The following CTNNAL1 variants were observed in gnomAD, a reference collection of about 807,000 sequenced individuals.
CTNNAL1 encodes alpha-catulin.
CTNNAL1 carries 69 observed loss-of-function variants against 93.6 expected under a neutral mutation model. The ratio of observed to expected loss-of-function variants is 0.74; its 90% CI spans 0.61 to 0.90. The LOEUF is 0.90. CTNNAL1 is among the 40% of genes least tolerant of loss of function. The pLI is 0.00. For missense variants in CTNNAL1, 836 were observed against 862.0 expected (o/e 0.97, Z 0.38); for synonymous variants, 286 against 305.4 (o/e 0.94, Z 0.66).
intron 12 of CTNNAL1, among the ~76,000 whole-genome samples, chr9:108,954,473 T>C (rs1040551011): frequency 7.9e-5 from 12 of 152,212 alleles, no homozygotes; most frequent in African/African-American, 2.4e-4. Context: ...AATTATTTTG[T>C]AGTAGCCCTA....
At chr9:108,989,047 G>A (rs1408611406) in intron 4 of CTNNAL1, among the ~76,000 whole-genome samples, 2 of 152,156 alleles carry the variant, frequency 1.3e-5, no homozygotes, top group Non-Finnish European at 2.9e-5. Flanking sequence ...GAGCTAAATT[G>A]CTAAAAATAG....
chr9:108,987,222 G>A (rs1831638649), intron 4 of CTNNAL1, among the ~76,000 whole-genome samples: 1 of 151,976 alleles, frequency 6.6e-6, no homozygotes, highest in Non-Finnish European at 1.5e-5. Flanking sequence ...GTAAGGAAGG[G>A]ATCCAGTTTC....
chr9:108,970,811 A>C (rs1376675136), intron 9 of CTNNAL1, among the ~76,000 whole-genome samples: 2 of 152,058 alleles, frequency 1.3e-5, no homozygotes, highest in Non-Finnish European at 2.9e-5. Context: ...TATATAAAGA[A>C]ATTTGGGAAA....
chr9:108,951,900 C>T lies in CTNNAL1; in HGVS notation c.1835+309G>A, dbSNP rs1030186895. Among the ~76,000 whole-genome samples, 19 of 152,072 alleles carry T rather than the reference C, an allele frequency of 1.2e-4. 1 individual carries two copies. The highest frequency in any genetic ancestry group is 1.1e-3 in the Admixed American group (17 of 15,258). On this transcript the variant is annotated intron_variant, in intron 14 of 18. Transcript: ENST00000325551. The stretch of plus-strand genomic sequence containing the variant: ...AGGCATAAAAGACATGTTTTCTTAA[C>T]GTACTGATGCTGGCTGGGAGAGGCA...
rs866167967 is a variant in CTNNAL1 at position 108,943,807 on chromosome 9, C to T, written c.1951G>A (p.Asp651Asn). The stretch of plus-strand genomic sequence containing the variant: ...TCCAGGAGAAGCATAAGCTTGTCAT[C>T]GTCTTTCAGCTGAAATGTAATTTAA... ...VQAFSKQLKD[D>N]DKLMLLLEIN... The change falls in exon 17 of 19, where the codon GAT becomes AAT. Residue 651 changes from aspartate (D) to asparagine (N), a missense_variant. Asp to Asn is a conservative substitution (Grantham distance 23, BLOSUM62 1). Coordinates refer to ENST00000325551, the MANE Select transcript of CTNNAL1 (RefSeq NM_003798.4). 3.7e-6 allele frequency: 6 copies of T among 1,613,154 alleles called. No homozygotes were observed. The highest frequency in any genetic ancestry group is 1.3e-5 in the African/African-American group (1 of 74,858).
chr9:109,003,279 G>C (rs1183114621), intron 1 of CTNNAL1, among the ~76,000 whole-genome samples: 1 of 152,196 alleles, frequency 6.6e-6, no homozygotes, highest in African/African-American at 2.4e-5. Flanking sequence ...GTGGGCTTTT[G>C]TCTAGTAGAA....
At chr9:108,961,001 G>T (rs987296597) in intron 11 of CTNNAL1, among the ~76,000 whole-genome samples, 2 of 152,212 alleles carry the variant, frequency 1.3e-5, no homozygotes, top group Admixed American at 1.3e-4. Flanking sequence ...CTAACTTTTA[G>T]CATGTGAACA....
Position 108,979,617 on chromosome 9 carries a change from A to G in CTNNAL1, c.901-136T>C, listed in dbSNP as rs962304314. Reference sequence around the variant, plus strand: ...CAAGCTGAGGGGAAATACAGCCACCAATGATATCTATATTCGCCACTAACC... The same window carrying G: ...CAAGCTGAGGGGAAATACAGCCACCGATGATATCTATATTCGCCACTAACC... On this transcript the variant is annotated intron_variant, in intron 6 of 18. Coordinates refer to ENST00000325551, the MANE Select transcript of CTNNAL1 (RefSeq NM_003798.4). 20 of 756,880 alleles carry G rather than the reference A, an allele frequency of 2.6e-5. No homozygotes were observed. The African/African-American group carries it at 3.3e-4, about 13-fold the overall frequency. 46.9% of individuals were successfully genotyped at this position (756,880 alleles called of 1,614,324 possible).
chr9:108,956,690 C>T (rs1043655662), intron 11 of CTNNAL1, among the ~76,000 whole-genome samples: 2 of 152,198 alleles, frequency 1.3e-5, no homozygotes, highest in African/African-American at 4.8e-5. Flanking sequence ...CTAAATCATA[C>T]CTTTTCTCAT....
intron 10 of CTNNAL1, among the ~76,000 whole-genome samples, chr9:108,968,966 T>G (rs1346463926): frequency 6.6e-6 from 1 of 151,850 alleles, no homozygotes; most frequent in Non-Finnish European, 1.5e-5. Flanking sequence ...ATTTTAGAGC[T>G]TAGACTCTAA....
intron 11 of CTNNAL1, among the ~76,000 whole-genome samples, chr9:108,964,449 A>G (rs1830901140): frequency 6.6e-6 from 1 of 152,242 alleles, no homozygotes; most frequent in South Asian, 2.1e-4. Flanking sequence ...ACATGTAAAT[A>G]TAAATAACAG....
chr9:108,975,851 C>T (rs937089483), intron 8 of CTNNAL1, among the ~76,000 whole-genome samples: 6 of 152,132 alleles, frequency 3.9e-5, no homozygotes, highest in African/African-American at 7.2e-5. Context: ...CTGACGAAAA[C>T]GGTCCAGTTG....
chr9:108,979,506 C>T (rs1831364294), intron 6 of CTNNAL1, 25 bp from the exon 7 acceptor site: 6 of 1,609,100 alleles, frequency 3.7e-6, no homozygotes, highest in Non-Finnish European at 5.1e-6. Flanking sequence ...GACATCTATC[C>T]ATCCATGTGA....
chr9:108,999,159 C>A lies in CTNNAL1; in HGVS notation c.239G>T (p.Gly80Val), dbSNP rs1433300908. 6.2e-7 allele frequency: 1 copy of A among 1,613,830 alleles called. No homozygotes were observed. Among genetic ancestry groups the A allele is most frequent in the Admixed American group, 1.7e-5 (1 of 59,970 alleles). Reference protein sequence around the residue: ...RVGQAVNLAVGRFVKVGEAIA... With the variant: ...RVGQAVNLAVVRFVKVGEAIA... ...AGCTTCTCCTACTTTAACAAATCTTCCAACTGCCAAGTTGACAGCTTGTCC... is the reference window on the plus strand; with the variant it reads ...AGCTTCTCCTACTTTAACAAATCTTACAACTGCCAAGTTGACAGCTTGTCC... The change falls in exon 2 of 19, where the codon GGA becomes GTA. Residue 80 changes from glycine to valine, a missense_variant. Gly to Val is a moderately radical substitution (Grantham distance 109). Transcript: ENST00000325551.
rs1490320873 is a variant in CTNNAL1 at position 108,952,452 on chromosome 9, C to T, written c.1672G>A (p.Asp558Asn). The T allele has an allele frequency of 2.5e-5, 41 of 1,614,158 alleles. No homozygotes were observed. The highest frequency in any genetic ancestry group is 3.4e-5 in the Non-Finnish European group (40 of 1,180,030). ...GTAGGAATTGGTCTTACCTCAGAGT[C>T]AGGCTTGTCTGGCTTTAATGATTTC... ...NLKSLKPDKP[D>N]SEEQAKIAKL... The change falls in exon 13 of 19, where the codon GAC (aspartate) becomes AAC (asparagine). Residue 558 changes from aspartate (D) to asparagine (N), a missense_variant. Asp to Asn is a conservative substitution (Grantham distance 23). Transcript: ENST00000325551.
rs1832135585 is a variant in CTNNAL1, at chr9:108,999,207, G to A, written c.191C>T (p.Thr64Ile). The part of the protein sequence containing the change: ...HKDNTKKSDK[T>I]LQAIQRVGQA... ...TCCTACACGCTGAATTGCTTGCAGA[G>A]TTTTATCAGACTTTTTGGTATTATC... The change falls in exon 2 of 19, where the codon ACT becomes ATT. Residue 64 changes from threonine (T) to isoleucine (I), a missense_variant. Coordinates refer to ENST00000325551, the MANE Select transcript of CTNNAL1 (RefSeq NM_003798.4). The A allele has an allele frequency of 6.2e-7, 1 of 1,610,684 alleles. No homozygotes were observed. The highest frequency in any genetic ancestry group is 8.5e-7 in the Non-Finnish European group (1 of 1,179,044).
At chr9:108,986,080 T>G (rs1378212266) in intron 4 of CTNNAL1, among the ~76,000 whole-genome samples, 107 of 151,552 alleles carry the variant, frequency 7.1e-4, no homozygotes, top group African/African-American at 2.2e-3. Flanking sequence ...ACAATGTGCA[T>G]GTTAGTTACA....
chr9:108,968,570 G>A (rs183148709), intron 10 of CTNNAL1, among the ~76,000 whole-genome samples: 145 of 152,320 alleles, frequency 9.5e-4, no homozygotes, highest in African/African-American at 3.4e-3. Context: ...TGACTCCCAT[G>A]CCAATATTGA....
intron 11 of CTNNAL1, among the ~76,000 whole-genome samples, chr9:108,960,531 T>A (rs1830797160): frequency 6.6e-6 from 1 of 152,176 alleles, no homozygotes; most frequent in South Asian, 2.1e-4. Flanking sequence ...ATGAGAAAAG[T>A]AGTTACAGAA....
Sources: allele counts gnomAD v4.1 joint callset (sites outside exome capture counted in the v4.1 genomes callset), GRCh38; gene constraint gnomAD v4.1.1; transcripts MANE v1.5; gene names NCBI Gene and HGNC (gene_info 2026-07-23, HGNC 2026-07-21).